The following BUB3 variants were observed in gnomAD, a reference collection of about 807,000 sequenced individuals.
BUB3 encodes the protein mitotic checkpoint protein BUB3.
In BUB3, 22 loss-of-function variants were observed where a neutral mutation model predicts 39.9. That is an observed-to-expected ratio of 0.55 (90% CI 0.39 to 0.79). The LOEUF (loss-of-function observed/expected upper bound fraction) is 0.79. Among genes scored for constraint, BUB3 ranks in the 30% least tolerant of loss-of-function variants. BUB3 has a pLI of 0.00. For missense variants in BUB3, 303 were observed against 415.4 expected, an observed-to-expected ratio of 0.73 and a Z score of 2.35; for synonymous variants, 168 against 155.1, an observed-to-expected ratio of 1.08 and a Z score of -0.62.
chr10:123,160,698 A>T, intron 5 of BUB3, 133 bp downstream of exon 5: 1 of 856,408 alleles, frequency 1.2e-6, no homozygotes, highest in Admixed American at 3.8e-5. Context: ...TGTTAGGTGT[A>T]TTCTTCCTTG....
In BUB3 at chr10:123,155,741, A is replaced by G. The variant is rs1403357895; in HGVS notation, c.265+14A>G. ...ACACTGATCAAGGTAATGTGACCAT[A>G]TCTTTACCAGTTTGTTTTCTTGGCT... On this transcript the variant is annotated intron_variant, in intron 3 of 7. Coordinates refer to ENST00000368865, the MANE Select transcript of BUB3 (RefSeq NM_004725.4). 3.1e-6 allele frequency: 5 copies of G among 1,611,554 alleles called. No individual in the cohort carries two copies. The highest frequency in any genetic ancestry group is 1.1e-5 in the South Asian group (1 of 91,036).
rs1345491804 is a variant in BUB3, at chr10:123,164,051, A to G, written c.*216A>G. On this transcript the variant is annotated 3_prime_UTR_variant, in exon 8 of 8. Coordinates refer to ENST00000368865, the MANE Select transcript of BUB3 (RefSeq NM_004725.4). ...TTTGATGGTTTGCTGCATTAAAGGTATTTGGGCAAACAAAATTGGAGGGCA... is the reference window on the plus strand; with the variant it reads ...TTTGATGGTTTGCTGCATTAAAGGTGTTTGGGCAAACAAAATTGGAGGGCA... The G allele has an allele frequency of 1.6e-6, 2 of 1,230,338 alleles. No individual in the cohort carries two copies. The highest frequency in any genetic ancestry group is 2.0e-6 in the Non-Finnish European group (2 of 984,196). 76.2% of individuals were successfully genotyped at this position (1,230,338 alleles called of 1,614,324 possible). A position where few individuals can be genotyped will look rare whatever the true frequency, so the allele number is the denominator to read the frequency against.
At position 123,167,641 on chromosome 10, in the gene BUB3, A is replaced by C. The variant is rs1473003784; in HGVS notation, c.*3806A>C. 6.6e-6 allele frequency: 1 copy of C among 152,210 alleles called. No homozygotes were observed. The highest frequency in any genetic ancestry group is 2.4e-5 in the African/African-American group (1 of 41,446). 9.4% of individuals were successfully genotyped at this position (152,210 alleles called of 1,614,324 possible). A position where few individuals can be genotyped will look rare whatever the true frequency, so the allele number is the denominator to read the frequency against. ...AGACATCTTGTCCAGTGCACTAGAC[A>C]GGTGACCTTTGGCTTTGTTCATTAA... On this transcript the variant is annotated 3_prime_UTR_variant, in exon 8 of 8. Transcript: ENST00000368865.
intron 2 of BUB3, among the ~76,000 whole-genome samples, 154 bp downstream of exon 2, chr10:123,155,266 AC>A (rs1457635022): frequency 6.6e-6 from 1 of 151,946 alleles, no homozygotes; most frequent in Admixed American, 6.5e-5. Context: ...TTGAACCTGT[AC>A]CGTTTTGGGT....
rs982534412 is a variant in BUB3, at chr10:123,161,590, G to A, written c.577-646G>A. ...ATATTTCTTCATAAACAGTTTTCAG[G>A]AATAAATCTTTTTCATACCTTGAAG... On this transcript the variant is annotated intron_variant, in intron 5 of 7. Coordinates refer to ENST00000368865, the MANE Select transcript of BUB3 (RefSeq NM_004725.4). 3.3e-5 allele frequency among the ~76,000 whole-genome samples: 5 copies of A among 152,078 alleles called. No homozygotes were observed. In the East Asian group the frequency reaches 9.6e-4, roughly 29 times the overall value.
chr10:123,154,935 G>A lies in BUB3; in HGVS notation c.18G>A (p.Glu6=). ...TTCTGCAGATGACCGGTTCTAACGA[G>A]TTCAAGCTGAACCAGCCACCCGAGG... is the stretch of plus-strand genomic sequence containing the variant. MTGSN[E]FKLNQPPEDG... is the part of the protein sequence containing the mutation. The change falls in exon 2 of 8, where the codon GAG becomes GAA. Residue 6 remains glutamate, a synonymous_variant. Transcript: ENST00000368865. 1 of 1,613,920 alleles carries A rather than the reference G, an allele frequency of 6.2e-7. No homozygotes were observed. The highest frequency in any genetic ancestry group is 8.5e-7 in the Non-Finnish European group (1 of 1,179,938).
chr10:123,155,129 C>T lies in BUB3; in HGVS notation c.195+17C>T, dbSNP rs751719032. 1.2e-6 allele frequency: 2 copies of T among 1,610,754 alleles called. No homozygotes were observed. Among genetic ancestry groups the T allele is most frequent in the South Asian group, 1.1e-5 (1 of 90,832 alleles). On this transcript the variant is annotated intron_variant, in intron 2 of 7. Transcript: ENST00000368865. ...GCCTTCTACGTAGGTGCCCTCCCGC[C>T]CTGCTCCTGCCCTCTTACTGTGTTA... is the stretch of plus-strand genomic sequence containing the variant.
In BUB3 at chr10:123,168,423, A is replaced by G. The variant is rs1004035299; in HGVS notation, c.*4588A>G. Reference sequence around the variant, plus strand: ...CACTTTGAGGGGGATGCCCATAGCTATACTTAGAAGTCATCCTCTAGAGCA... The same window carrying G: ...CACTTTGAGGGGGATGCCCATAGCTGTACTTAGAAGTCATCCTCTAGAGCA... On this transcript the variant is annotated 3_prime_UTR_variant, in exon 8 of 8. Coordinates refer to ENST00000368865, the MANE Select transcript of BUB3 (RefSeq NM_004725.4). 8.5e-5 allele frequency: 13 copies of G among 152,244 alleles called. 1 individual carries two copies. The highest frequency in any genetic ancestry group is 2.9e-5 in the Non-Finnish European group (2 of 68,048). 9.4% of individuals were successfully genotyped at this position (152,244 alleles called of 1,614,324 possible).
intron 3 of BUB3, among the ~76,000 whole-genome samples, chr10:123,156,801 C>G (rs1053425323): frequency 6.9e-6 from 1 of 145,464 alleles, no homozygotes; most frequent in Non-Finnish European, 1.5e-5. Context: ...GGCTGGAGTG[C>G]AGTGGTGTGA....
At position 123,162,663 on chromosome 10, in the gene BUB3, T is replaced by C. The variant is rs1046405277; in HGVS notation, c.806T>C (p.Leu269Pro). ...NIWDPFNKKRLCQFHRYPTSI... is the reference protein window; with the variant it reads ...NIWDPFNKKRPCQFHRYPTSI... ...TGGGATCCATTTAACAAAAAGCGAC[T>C]GTGCCAATTCCATCGGTACCCCACG... Residue 269 changes from leucine (L) to proline (P), a missense_variant, in exon 7 of 8, where the codon CTG becomes CCG. By Grantham distance (98) the Leu-to-Pro change is moderately conservative. Transcript: ENST00000368865. The C allele has an allele frequency of 1.3e-6, 2 of 1,599,456 alleles. No individual in the cohort carries two copies. Among genetic ancestry groups the C allele is most frequent in the Non-Finnish European group, 8.5e-7 (1 of 1,176,696 alleles).
rs1280475657 is a variant in BUB3 at position 123,160,395 on chromosome 10, C to G, written c.418-12C>G. 1 of 1,500,690 alleles carries G rather than the reference C, an allele frequency of 6.7e-7. No individual in the cohort carries two copies. The allele number at this position is 1,500,690 out of a possible 1,614,324, so 93.0% of individuals were successfully genotyped here. ...AAGGTGATTTTTAGCAAGTTTTGAT[C>G]TTTTTTAAAAGGTATATACCCTCTC... On this transcript the variant is annotated splice_polypyrimidine_tract_variant and intron_variant, in intron 4 of 7. Coordinates refer to ENST00000368865, the MANE Select transcript of BUB3 (RefSeq NM_004725.4).
chr10:123,168,613 G>A lies in BUB3; in HGVS notation c.*4778G>A, dbSNP rs1377122444. ...GCCCAGGCTGGAGTGCAAGTGGCGCGATCTCCGCTCATTGCAAGCTCCGCC... is the reference window on the plus strand; with the variant it reads ...GCCCAGGCTGGAGTGCAAGTGGCGCAATCTCCGCTCATTGCAAGCTCCGCC... On this transcript the variant is annotated 3_prime_UTR_variant, in exon 8 of 8. Coordinates refer to ENST00000368865, the MANE Select transcript of BUB3 (RefSeq NM_004725.4). The A allele has an allele frequency of 1.3e-5, 2 of 152,014 alleles. No individual in the cohort carries two copies. The highest frequency in any genetic ancestry group is 4.8e-5 in the African/African-American group (2 of 41,390). The allele number at this position is 152,014 out of a possible 1,614,324, so 9.4% of individuals were successfully genotyped here. A position where few individuals can be genotyped will look rare whatever the true frequency, so the allele number is the denominator to read the frequency against.
In BUB3 at chr10:123,155,091, C is replaced by T. The variant is rs143990494; in HGVS notation, c.174C>T (p.Ala58=). Residue 58 remains alanine, a synonymous_variant, in exon 2 of 8, where the codon GCC becomes GCT. Coordinates refer to ENST00000368865, the MANE Select transcript of BUB3 (RefSeq NM_004725.4). The part of the protein sequence containing the change: ...SMRLKYQHTG[A]VLDCAFYDPT... ...GGCTCAAGTACCAGCACACCGGCGC[C>T]GTCCTGGACTGCGCCTTCTACGTAG... The T allele has an allele frequency of 1.5e-5, 24 of 1,613,852 alleles. No individual in the cohort carries two copies. In the African/African-American group the frequency reaches 2.9e-4, roughly 20 times the overall value.
In BUB3 at chr10:123,165,266, A is replaced by G; in HGVS notation, c.*1431A>G. 3.9e-6 allele frequency: 2 copies of G among 511,270 alleles called. No homozygotes were observed. The highest frequency in any genetic ancestry group is 6.9e-6 in the Non-Finnish European group (2 of 291,666). The allele number at this position is 511,270 out of a possible 1,614,324, so 31.7% of individuals were successfully genotyped here. A position where few individuals can be genotyped will look rare whatever the true frequency, so the allele number is the denominator to read the frequency against. ...TGACGTATTTCCCCTTCTGTCCCCT[A>G]GTAAGCCCAGTTGCTGTATCTGAAC... On this transcript the variant is annotated 3_prime_UTR_variant, in exon 8 of 8. Coordinates refer to ENST00000368865, the MANE Select transcript of BUB3 (RefSeq NM_004725.4).
chr10:123,164,912 G>A lies in BUB3; in HGVS notation c.*1077G>A. The A allele has an allele frequency of 6.9e-7, 1 of 1,443,796 alleles. No homozygotes were observed. The highest frequency in any genetic ancestry group is 1.5e-5 in the South Asian group (1 of 65,024). 89.4% of individuals were successfully genotyped at this position (1,443,796 alleles called of 1,614,324 possible). On this transcript the variant is annotated 3_prime_UTR_variant, in exon 8 of 8. Transcript: ENST00000368865. Reference sequence around the variant, plus strand: ...TCTGAGTAGGACTTGGACCTTTCCTGAGATTTATTTTATCCGTGATGTATT... The same window carrying A: ...TCTGAGTAGGACTTGGACCTTTCCTAAGATTTATTTTATCCGTGATGTATT...
intron 4 of BUB3, 109 bp downstream of exon 4, chr10:123,157,989 G>C: frequency 8.3e-7 from 1 of 1,204,266 alleles, no homozygotes; most frequent in Non-Finnish European, 1.1e-6. Context: ...AGTCAACATG[G>C]GGGGAAAAAA....
rs1481804113 is a variant in BUB3 at position 123,162,249 on chromosome 10, G to T, written c.590G>T (p.Ser197Ile). Residue 197 changes from serine to isoleucine, a missense_variant, in exon 6 of 8, where the codon AGC (serine) becomes ATC (isoleucine). Ser to Ile is a moderately radical substitution (Grantham distance 142, BLOSUM62 -2). Coordinates refer to ENST00000368865, the MANE Select transcript of BUB3 (RefSeq NM_004725.4). The stretch of plus-strand genomic sequence containing the variant: ...CTCTCTTGGCAGGGTTATGTATTAA[G>T]CTCTATTGAAGGCCGAGTGGCAGTT... ...AFPNKQGYVL[S>I]SIEGRVAVEY... 2.5e-6 allele frequency: 4 copies of T among 1,613,782 alleles called. No individual in the cohort carries two copies. Among genetic ancestry groups the T allele is most frequent in the Non-Finnish European group, 3.4e-6 (4 of 1,179,872 alleles).
intron 7 of BUB3, 103 bp downstream of exon 7, chr10:123,162,931 T>G: frequency 9.3e-7 from 1 of 1,078,062 alleles, no homozygotes; most frequent in Non-Finnish European, 1.4e-6. Flanking sequence ...TGCTCGATAT[T>G]ACAGCTGACT....
At chr10:123,163,762 C>T in intron 7 of BUB3, 58 bp from the exon 8 acceptor site, 2 of 1,473,592 alleles carry the variant, frequency 1.4e-6, no homozygotes, top group Non-Finnish European at 9.5e-7. Flanking sequence ...TTTTGTATCT[C>T]CTGTCCTGGC....
Sources: allele counts gnomAD v4.1 joint callset (sites outside exome capture counted in the v4.1 genomes callset), GRCh38; gene constraint gnomAD v4.1.1; transcripts MANE v1.5; gene names NCBI Gene and HGNC (gene_info 2026-07-23, HGNC 2026-07-21).